The following HS6ST2 variants were observed in gnomAD, a reference collection of about 807,000 sequenced individuals.
HS6ST2 encodes the protein heparan sulfate 6-O-sulfotransferase 2.
A neutral mutation model predicts 33.0 loss-of-function variants in HS6ST2; 17 were observed. That is an observed-to-expected ratio of 0.52 (90% CI 0.35 to 0.77). The LOEUF is 0.77. HS6ST2 is among the 30% of genes least tolerant of loss of function. HS6ST2 has a pLI of 0.01. For missense variants in HS6ST2, 519 were observed against 551.7 expected (o/e 0.94, Z 0.59); for synonymous variants, 248 against 237.1 (o/e 1.05, Z -0.42).
At chrX:132,722,234 A>T (rs189326303) in intron 2 of HS6ST2, among the ~76,000 whole-genome samples, 1 of 110,157 alleles carries the variant, frequency 9.1e-6, no homozygotes, top group Non-Finnish European at 1.9e-5. Flanking sequence ...AGAGCAAACC[A>T]AACCCAAAAC....
chrX:132,828,613 C>T (rs1038919966), intron 2 of HS6ST2, among the ~76,000 whole-genome samples: 1 of 99,430 alleles, frequency 1.0e-5, no homozygotes, highest in East Asian at 3.2e-4. Flanking sequence ...GTGGAGACAC[C>T]GACTGGGCAC....
intron 2 of HS6ST2, among the ~76,000 whole-genome samples, chrX:132,946,295 T>G (rs1031362534): frequency 8.0e-5 from 9 of 112,065 alleles, no homozygotes; most frequent in African/African-American, 2.9e-4. Flanking sequence ...GGATTATAAA[T>G]CATGCTGCTA....
intron 2 of HS6ST2, among the ~76,000 whole-genome samples, chrX:132,932,587 T>C (rs1770255360): frequency 9.0e-6 from 1 of 110,585 alleles, no homozygotes. Context: ...AACAAAATAT[T>C]ATGAGACACG....
At chrX:132,825,016 C>G (rs1459808587) in intron 2 of HS6ST2, among the ~76,000 whole-genome samples, 1 of 111,983 alleles carries the variant, frequency 8.9e-6, no homozygotes, top group Non-Finnish European at 1.9e-5. Flanking sequence ...AATACACTTC[C>G]TAATCTGAAT....
chrX:132,930,503 C>T (rs1234358102), intron 2 of HS6ST2, among the ~76,000 whole-genome samples: 2 of 111,109 alleles, frequency 1.8e-5, no homozygotes, highest in Non-Finnish European at 3.8e-5. Flanking sequence ...CTGACACTCT[C>T]CTCCCCTGAC....
At chrX:132,835,287 T>C (rs1325907379) in intron 2 of HS6ST2, among the ~76,000 whole-genome samples, 1 of 111,274 alleles carries the variant, frequency 9.0e-6, no homozygotes, top group Non-Finnish European at 1.9e-5. Context: ...ACCTTATGTC[T>C]TACAAAGGCC....
intron 1 of HS6ST2, 48 bp downstream of exon 1, chrX:132,958,127 T>G: frequency 9.3e-7 from 1 of 1,073,370 alleles, no homozygotes; most frequent in Non-Finnish European, 1.2e-6. Flanking sequence ...TACAGCACCT[T>G]CGCGCCCTGG....
intron 4 of HS6ST2, among the ~76,000 whole-genome samples, chrX:132,661,127 C>T (rs1272335358): frequency 9.0e-6 from 1 of 111,413 alleles, no homozygotes; most frequent in African/African-American, 3.3e-5. Flanking sequence ...GATTATAATT[C>T]AAGATGAGAT....
intron 2 of HS6ST2, among the ~76,000 whole-genome samples, chrX:132,773,736 T>C (rs901010543): frequency 1.8e-5 from 2 of 111,981 alleles, no homozygotes; most frequent in Non-Finnish European, 3.8e-5. Flanking sequence ...AAAGATCACA[T>C]AGTGTGTGAT....
chrX:132,925,823 A>T (rs1226867719), intron 2 of HS6ST2, among the ~76,000 whole-genome samples: 1 of 112,426 alleles, frequency 8.9e-6, no homozygotes, highest in African/African-American at 3.2e-5. Flanking sequence ...ATTAAATAAC[A>T]TTTAAAGAGC....
intron 2 of HS6ST2, among the ~76,000 whole-genome samples, chrX:132,924,364 T>A (rs112014899): frequency 8.9e-6 from 1 of 112,432 alleles, no homozygotes; most frequent in African/African-American, 3.2e-5. Flanking sequence ...CATCAACAGA[T>A]GCCCTTAAAT....
chrX:132,662,879 A>G (rs2063783936), intron 4 of HS6ST2, among the ~76,000 whole-genome samples: 1 of 112,038 alleles, frequency 8.9e-6, no homozygotes, highest in South Asian at 3.7e-4. Context: ...CATTTCAGTA[A>G]CTGGCAAAAG....
At chrX:132,850,027 A>T (rs187962287) in intron 2 of HS6ST2, among the ~76,000 whole-genome samples, 79 of 112,319 alleles carry the variant, frequency 7.0e-4, no homozygotes, top group African/African-American at 2.2e-3. Context: ...GCAGAAGGCT[A>T]TTTCTCCATG....
chrX:132,843,054 G>A (rs761908959), intron 2 of HS6ST2, among the ~76,000 whole-genome samples: 1 of 111,463 alleles, frequency 9.0e-6, no homozygotes, highest in South Asian at 3.9e-4. Context: ...GCATCTGTTG[G>A]CAGGAGGTTA....
At chrX:132,878,840 A>G (rs2066135175) in intron 2 of HS6ST2, among the ~76,000 whole-genome samples, 1 of 111,521 alleles carries the variant, frequency 9.0e-6, no homozygotes, top group African/African-American at 3.3e-5. Context: ...ACTCTAATAT[A>G]GAGCACCACA....
At chrX:132,926,710 G>C (rs1487303943) in intron 2 of HS6ST2, among the ~76,000 whole-genome samples, 2 of 111,621 alleles carry the variant, frequency 1.8e-5, no homozygotes, top group Non-Finnish European at 3.8e-5. Flanking sequence ...ATCACTTGAG[G>C]CCAGGAGTTC....
At position 132,826,651 on chromosome X, in the gene HS6ST2, TTATA is replaced by T. The variant is rs200951575; in HGVS notation, c.948-118161_948-118158del. Reference sequence around the variant, plus strand: ...TCACATTATATATATATAGCTCACATTATATATATATATAAAGGGCCACTGCTGT... The same window carrying T: ...TCACATTATATATATATAGCTCACATTATATATATAAAGGGCCACTGCTGT... On this transcript the variant is annotated intron_variant, in intron 2 of 4. Coordinates refer to ENST00000370833, the MANE Select transcript of HS6ST2 (RefSeq NM_001394073.1). 7.1e-3 allele frequency among the ~76,000 whole-genome samples: 775 copies of T among 108,910 alleles called. 5 individuals carry two copies. Among genetic ancestry groups the T allele is most frequent in the African/African-American group, 0.025 (749 of 30,208 alleles). The allele number at this position is 108,910 out of a possible 115,157, so 94.6% of individuals were successfully genotyped here.
At chrX:132,789,809 A>G (rs1358174888) in intron 2 of HS6ST2, among the ~76,000 whole-genome samples, 1 of 111,587 alleles carries the variant, frequency 9.0e-6, no homozygotes. Context: ...GTCACTGCAG[A>G]TGTGGTGGAA....
chrX:132,671,952 GA>G (rs1174016225), intron 3 of HS6ST2, among the ~76,000 whole-genome samples: 5 of 111,635 alleles, frequency 4.5e-5, no homozygotes. Flanking sequence ...CTGTGGTATA[GA>G]AAAGTTTACC....
Sources: gnomAD v4.1 joint callset for allele counts (sites outside exome capture counted in the v4.1 genomes callset) on GRCh38, gnomAD v4.1.1 for gene constraint, MANE v1.5 for transcripts, NCBI Gene and HGNC (gene_info 2026-07-23, HGNC 2026-07-21) for gene names.